Variants in STK3 observed in about 807,000 individuals in gnomAD.
STK3 encodes the protein serine/threonine-protein kinase 3.
A neutral mutation model predicts 58.0 loss-of-function variants in STK3; 41 were observed. The observed-to-expected ratio is 0.71, with a 90% CI of 0.55 to 0.92. The LOEUF is 0.92. Among genes scored for constraint, STK3 ranks in the 40% least tolerant of loss-of-function variants. STK3 has a pLI of 0.00. For missense variants in STK3, 479 were observed against 602.7 expected, an observed-to-expected ratio of 0.79 and a Z score of 2.15; for synonymous variants, 170 against 191.0, an observed-to-expected ratio of 0.89 and a Z score of 0.91.
At chr8:98,697,795 T>A (rs1309956113) in intron 6 of STK3, among the ~76,000 whole-genome samples, 1 of 152,190 alleles carries the variant, frequency 6.6e-6, no homozygotes, top group Admixed American at 6.5e-5. Context: ...ATGTGGTCAA[T>A]TTTGGAACAG....
At chr8:98,935,794 C>A (rs1840172210) in intron 1 of STK3, among the ~76,000 whole-genome samples, 1 of 152,290 alleles carries the variant, frequency 6.6e-6, no homozygotes, top group Admixed American at 6.5e-5. Flanking sequence ...TTCTCTCCAA[C>A]TTCTTACATG....
chr8:98,778,503 C>T (rs1210036362), intron 1 of STK3, among the ~76,000 whole-genome samples: 2 of 152,000 alleles, frequency 1.3e-5, no homozygotes, highest in East Asian at 1.9e-4. Context: ...CTAGAAATAC[C>T]GTTTGACCCA....
intron 6 of STK3, among the ~76,000 whole-genome samples, chr8:98,617,917 T>C (rs1817903359): frequency 6.6e-6 from 1 of 152,268 alleles, no homozygotes; most frequent in African/African-American, 2.4e-5. Context: ...CTTCTGAAAC[T>C]ATTCCAATCA....
chr8:98,430,885 T>C (rs1818316506), intron 3 of STK3: 1 of 167,120 alleles, frequency 6.0e-6, no homozygotes, highest in Non-Finnish European at 1.5e-5. Context: ...AGACGACTGT[T>C]TCCTCCTCCA....
At chr8:98,717,612 A>G (rs1398805105) in intron 4 of STK3, among the ~76,000 whole-genome samples, 1 of 152,190 alleles carries the variant, frequency 6.6e-6, no homozygotes, top group East Asian at 1.9e-4. Context: ...TAGTATGAAG[A>G]TTCCTTTAAA....
At position 98,822,795 on chromosome 8, in the gene STK3, G is replaced by A. The variant is rs369708894; in HGVS notation, c.26+2720C>T. 7.2e-5 allele frequency among the ~76,000 whole-genome samples: 11 copies of A among 152,292 alleles called. No individual in the cohort carries two copies. In the South Asian group the frequency reaches 1.9e-3, roughly 26 times the overall value. On this transcript the variant is annotated intron_variant, in intron 1 of 10. Coordinates refer to ENST00000419617, the MANE Select transcript of STK3 (RefSeq NM_006281.4). ...TGTAATCCCAGCACTTTAGGTGGCC[G>A]AGGCAGGTGGATCATCTGAGGTCTG...
chr8:98,780,932 T>C (rs970594289), intron 1 of STK3, among the ~76,000 whole-genome samples: 1 of 152,180 alleles, frequency 6.6e-6, no homozygotes, highest in African/African-American at 2.4e-5. Flanking sequence ...AAGGTAATAT[T>C]TGGCTACATC....
intron 9 of STK3, among the ~76,000 whole-genome samples, chr8:98,542,463 T>A (rs1198832580): frequency 6.6e-6 from 1 of 152,100 alleles, no homozygotes; most frequent in Non-Finnish European, 1.5e-5. Flanking sequence ...ATTTTGGAGA[T>A]CATCATTCTC....
intron 1 of STK3, among the ~76,000 whole-genome samples, chr8:98,816,164 C>T (rs571364462): frequency 6.6e-6 from 1 of 152,278 alleles, no homozygotes; most frequent in East Asian, 1.9e-4. Context: ...GGTTCTCCAA[C>T]AGGAAAAGGA....
At chr8:98,574,211 C>T (rs1005713199) in intron 8 of STK3, among the ~76,000 whole-genome samples, 3 of 152,084 alleles carry the variant, frequency 2.0e-5, no homozygotes, top group African/African-American at 7.2e-5. Flanking sequence ...TAAGATGTTG[C>T]CTGGTTTCTT....
intron 6 of STK3, among the ~76,000 whole-genome samples, chr8:98,604,794 G>A (rs2130109356): frequency 6.6e-6 from 1 of 152,206 alleles, no homozygotes; most frequent in Non-Finnish European, 1.5e-5. Context: ...TTAAATACAA[G>A]TTTGAGTTTT....
downstream of STK3, among the ~76,000 whole-genome samples, chr8:98,369,545 G>A (rs1352135349): frequency 6.6e-6 from 1 of 152,124 alleles, no homozygotes; most frequent in African/African-American, 2.4e-5. Flanking sequence ...AAAAACAAAG[G>A]GCAGGCCTGG....
At chr8:98,389,672 G>A (rs564176762), upstream of STK3, among the ~76,000 whole-genome samples, 376 of 151,380 alleles carry the variant, frequency 2.5e-3, no homozygotes, top group Non-Finnish European at 4.5e-3. Flanking sequence ...CCTGTGGACA[G>A]CTTCCTGTCA....
intron 1 of STK3, among the ~76,000 whole-genome samples, chr8:98,789,331 G>A (rs959742651): frequency 6.6e-6 from 1 of 151,884 alleles, no homozygotes; most frequent in Non-Finnish European, 1.5e-5. Context: ...GACAATCTAA[G>A]GCCACACCTC....
chr8:98,531,512 C>T (rs1403152155), intron 9 of STK3, among the ~76,000 whole-genome samples: 1 of 152,158 alleles, frequency 6.6e-6, no homozygotes, highest in Non-Finnish European at 1.5e-5. Context: ...TTATAGAGCA[C>T]AGGCAGAGCA....
upstream of STK3, among the ~76,000 whole-genome samples, chr8:98,827,545 A>G (rs1020785453): frequency 1.3e-5 from 2 of 152,244 alleles, no homozygotes; most frequent in Admixed American, 6.5e-5. Flanking sequence ...TTTAAGTTTC[A>G]CTATGTAATA....
chr8:98,358,293 G>T, the STK3 span, among the ~76,000 whole-genome samples: 7 of 152,148 alleles, frequency 4.6e-5, no homozygotes, highest in African/African-American at 1.4e-4. Context: ...TCTTCCCCGG[G>T]TCAGGCAGCC....
intron 9 of STK3, among the ~76,000 whole-genome samples, chr8:98,545,209 A>G (rs1810602049): frequency 6.6e-6 from 1 of 152,178 alleles, no homozygotes; most frequent in Non-Finnish European, 1.5e-5. Flanking sequence ...CAGAATTCCA[A>G]CTGGCACAGA....
chr8:98,345,457 G>A, the STK3 span, among the ~76,000 whole-genome samples: 1 of 151,902 alleles, frequency 6.6e-6, no homozygotes, highest in Non-Finnish European at 1.5e-5. Context: ...TTGCCAGTGA[G>A]GAAGAGACCC....
Sources: gnomAD v4.1 joint callset for allele counts (sites outside exome capture counted in the v4.1 genomes callset) on GRCh38, gnomAD v4.1.1 for gene constraint, MANE v1.5 for transcripts, NCBI Gene and HGNC (gene_info 2026-07-23, HGNC 2026-07-21) for gene names.